CHCHD6: variants seen among roughly 807,000 people sequenced by gnomAD.
CHCHD6 encodes the protein coiled-coil-helix-coiled-coil-helix domain containing 6, also known as MICOS complex subunit MIC25.
In CHCHD6, 28 loss-of-function variants were observed where a neutral mutation model predicts 32.3. That is an observed-to-expected ratio of 0.87 (90% CI 0.64 to 1.19). The LOEUF is 1.19. Among genes scored for constraint, CHCHD6 ranks in the 50% most tolerant of loss-of-function variants. The pLI is 0.00. For missense variants in CHCHD6, 333 were observed against 307.0 expected, an observed-to-expected ratio of 1.08 and a Z score of -0.63; for synonymous variants, 122 against 117.5, an observed-to-expected ratio of 1.04 and a Z score of -0.25.
At chr3:126,807,073 A>G (rs1435885226) in intron 4 of CHCHD6, among the ~76,000 whole-genome samples, 1 of 149,162 alleles carries the variant, frequency 6.7e-6, no homozygotes, top group East Asian at 2.0e-4. Flanking sequence ...GGGGAGGGAT[A>G]GCATTAGGCG....
intron 5 of CHCHD6, among the ~76,000 whole-genome samples, chr3:126,909,185 G>T (rs77244100): frequency 3.0e-4 from 45 of 152,352 alleles, no homozygotes; most frequent in Non-Finnish European, 3.5e-4. Flanking sequence ...CAGGGCTCCA[G>T]TCCAAAAGTT....
chr3:126,810,012 T>C (rs1004427937), intron 4 of CHCHD6, among the ~76,000 whole-genome samples: 5 of 152,224 alleles, frequency 3.3e-5, no homozygotes, highest in Admixed American at 1.3e-4. Flanking sequence ...TAAAATAATA[T>C]ACATTTTCCA....
At chr3:126,789,205 G>C (rs934570237) in intron 4 of CHCHD6, among the ~76,000 whole-genome samples, 1 of 152,146 alleles carries the variant, frequency 6.6e-6, no homozygotes, top group African/African-American at 2.4e-5. Flanking sequence ...TATAATTTCT[G>C]TTCTTTTACA....
chr3:126,851,658 C>T (rs1241813473), intron 4 of CHCHD6, among the ~76,000 whole-genome samples: 2 of 152,190 alleles, frequency 1.3e-5, no homozygotes, highest in African/African-American at 2.4e-5. Flanking sequence ...AGGGTAGAGG[C>T]GGGCCCTGGG....
intron 5 of CHCHD6, among the ~76,000 whole-genome samples, chr3:126,898,958 A>G (rs923073765): frequency 3.3e-5 from 5 of 152,204 alleles, no homozygotes; most frequent in African/African-American, 7.2e-5. Context: ...TAGTACATCA[A>G]ATGTACATGT....
chr3:126,864,728 C>A (rs550293017), intron 5 of CHCHD6, among the ~76,000 whole-genome samples: 3 of 147,410 alleles, frequency 2.0e-5, no homozygotes, highest in Non-Finnish European at 3.0e-5. Context: ...ACCATCATCT[C>A]CTCTTCCTCC....
At chr3:126,858,018 AT>A (rs1467909900) in intron 5 of CHCHD6, among the ~76,000 whole-genome samples, 1 of 152,204 alleles carries the variant, frequency 6.6e-6, no homozygotes, top group Non-Finnish European at 1.5e-5. Flanking sequence ...TGGTAGTGTC[AT>A]TCACGATAGC....
intron 6 of CHCHD6, among the ~76,000 whole-genome samples, chr3:126,936,358 G>T (rs1475565098): frequency 1.3e-5 from 2 of 152,166 alleles, no homozygotes; most frequent in Non-Finnish European, 2.9e-5. Context: ...GTCCTGGGCT[G>T]CCACATCCTG....
intron 4 of CHCHD6, among the ~76,000 whole-genome samples, chr3:126,736,771 T>C (rs1217408618): frequency 6.6e-6 from 1 of 152,166 alleles, no homozygotes. Context: ...TGTCACTGGA[T>C]CCTGTGAGAG....
intron 4 of CHCHD6, among the ~76,000 whole-genome samples, chr3:126,748,105 C>T (rs1458252737): frequency 1.3e-5 from 2 of 152,108 alleles, no homozygotes; most frequent in Admixed American, 6.5e-5. Flanking sequence ...AGCTCCTCCC[C>T]TCCTCTTAGA....
chr3:126,761,717 G>A (rs1027552730), intron 4 of CHCHD6, among the ~76,000 whole-genome samples: 2 of 152,132 alleles, frequency 1.3e-5, no homozygotes, highest in African/African-American at 2.4e-5. Flanking sequence ...GTGAGCCACC[G>A]CACCCAGTCC....
intron 5 of CHCHD6, among the ~76,000 whole-genome samples, chr3:126,888,855 G>A (rs1287540643): frequency 1.3e-5 from 2 of 152,196 alleles, no homozygotes; most frequent in Non-Finnish European, 2.9e-5. Flanking sequence ...AGGGTCCCCT[G>A]GGCTTCCGCT....
chr3:126,805,430 A>C (rs867289982), intron 4 of CHCHD6, among the ~76,000 whole-genome samples: 2 of 152,248 alleles, frequency 1.3e-5, no homozygotes, highest in Middle Eastern at 3.4e-3. Context: ...GAGCCAAATC[A>C]TGAGTGAACT....
intron 5 of CHCHD6, among the ~76,000 whole-genome samples, chr3:126,894,625 A>C (rs1353694528): frequency 6.6e-6 from 1 of 152,138 alleles, no homozygotes; most frequent in Admixed American, 6.5e-5. Flanking sequence ...CCAACAGGCC[A>C]TCCAGCCAGT....
chr3:126,839,143 G>A (rs1325449521), intron 4 of CHCHD6, among the ~76,000 whole-genome samples: 1 of 152,024 alleles, frequency 6.6e-6, no homozygotes, highest in South Asian at 2.1e-4. Context: ...TCCTGCCTTG[G>A]CCTCTGAAAA....
chr3:126,774,836 T>C (rs1324432838), intron 4 of CHCHD6, among the ~76,000 whole-genome samples: 6 of 152,244 alleles, frequency 3.9e-5, no homozygotes, highest in Non-Finnish European at 8.8e-5. Flanking sequence ...TTTGACTGTC[T>C]TGCTAAGCTG....
intron 5 of CHCHD6, among the ~76,000 whole-genome samples, chr3:126,907,550 T>C (rs186162304): frequency 6.6e-6 from 1 of 152,358 alleles, no homozygotes; most frequent in East Asian, 1.9e-4. Flanking sequence ...CCTGAATATG[T>C]TAATTTTCTT....
intron 4 of CHCHD6, among the ~76,000 whole-genome samples, chr3:126,809,764 C>A (rs974179529): frequency 6.6e-6 from 1 of 152,164 alleles, no homozygotes; most frequent in African/African-American, 2.4e-5. Flanking sequence ...TGGGGCATTA[C>A]CCCCATAAAT....
chr3:126,786,295 T>C (rs1167395395), intron 4 of CHCHD6, among the ~76,000 whole-genome samples: 5 of 152,296 alleles, frequency 3.3e-5, no homozygotes, highest in African/African-American at 1.2e-4. Context: ...CATACATGTG[T>C]GTGTGTCTTT....
Sources: allele counts gnomAD v4.1 joint callset (sites outside exome capture counted in the v4.1 genomes callset), GRCh38; gene constraint gnomAD v4.1.1; transcripts MANE v1.5; gene names NCBI Gene and HGNC (gene_info 2026-07-23, HGNC 2026-07-21).